The following RBFOX1 variants were observed in gnomAD, a reference collection of about 807,000 sequenced individuals.
RBFOX1 encodes RNA binding fox-1 homolog 1.
In RBFOX1, 8 loss-of-function variants were observed where a neutral mutation model predicts 57.7. The observed-to-expected ratio is 0.14, with a 90% CI of 0.08 to 0.25. The LOEUF (loss-of-function observed/expected upper bound fraction) is 0.25. RBFOX1 is among the 10% of genes least tolerant of loss of function. The pLI is 1.00. For synonymous variants in RBFOX1, 326 were observed against 222.4 expected (o/e 1.47, Z -4.15); for missense variants, 611 against 548.5 (o/e 1.11, Z -1.14).
chr16:5,646,992 T>C (rs2049075562), intron 3 of RBFOX1, among the ~76,000 whole-genome samples: 1 of 152,096 alleles, frequency 6.6e-6, no homozygotes, highest in Non-Finnish European at 1.5e-5. Flanking sequence ...AGCCGGCGGC[T>C]GCGATGGAGG....
chr16:6,713,050 G>T (rs2154153444), intron 3 of RBFOX1, among the ~76,000 whole-genome samples: 1 of 151,936 alleles, frequency 6.6e-6, no homozygotes, highest in East Asian at 1.9e-4. Flanking sequence ...ATGATTGTGA[G>T]GCCTCCCCAG....
chr16:5,792,703 C>T (rs928710560), intron 3 of RBFOX1, among the ~76,000 whole-genome samples: 1 of 152,094 alleles, frequency 6.6e-6, no homozygotes, highest in Non-Finnish European at 1.5e-5. Flanking sequence ...ACTAGCCGGG[C>T]ATGGTGGCAT....
chr16:5,385,027 C>T (rs545035737), intron 1 of RBFOX1, among the ~76,000 whole-genome samples: 2 of 152,112 alleles, frequency 1.3e-5, no homozygotes, highest in Non-Finnish European at 2.9e-5. Flanking sequence ...TTTCATAGGT[C>T]GTAATGGGTG....
chr16:7,312,132 C>G (rs1280986841), intron 4 of RBFOX1, among the ~76,000 whole-genome samples: 1 of 152,200 alleles, frequency 6.6e-6, no homozygotes, highest in African/African-American at 2.4e-5. Flanking sequence ...GTAATCCCAG[C>G]ACTTTAGGAG....
At chr16:7,572,657 G>T (rs2092908035) in intron 5 of RBFOX1, among the ~76,000 whole-genome samples, 1 of 152,080 alleles carries the variant, frequency 6.6e-6, no homozygotes, top group South Asian at 2.1e-4. Flanking sequence ...GGCTAACGCG[G>T]TGAAACCCTG....
At chr16:6,700,309 A>G (rs2061634957) in intron 3 of RBFOX1, among the ~76,000 whole-genome samples, 1 of 152,008 alleles carries the variant, frequency 6.6e-6, no homozygotes, top group Non-Finnish European at 1.5e-5. Flanking sequence ...ACAGTATAAC[A>G]TGCTTACATA....
At chr16:7,343,719 G>T (rs773883580) in intron 4 of RBFOX1, among the ~76,000 whole-genome samples, 1 of 152,142 alleles carries the variant, frequency 6.6e-6, no homozygotes, top group Non-Finnish European at 1.5e-5. Context: ...ATGGAGTAGG[G>T]TGTGAGCTCT....
chr16:5,608,575 C>G (rs555622349), intron 3 of RBFOX1, among the ~76,000 whole-genome samples: 3 of 152,184 alleles, frequency 2.0e-5, no homozygotes, highest in African/African-American at 7.2e-5. Flanking sequence ...TATGAGGATT[C>G]AACGAGTTAA....
chr16:6,869,845 A>T (rs78125352), intron 3 of RBFOX1, among the ~76,000 whole-genome samples: 1 of 152,170 alleles, frequency 6.6e-6, no homozygotes, highest in Non-Finnish European at 1.5e-5. Context: ...CTTCACGGGA[A>T]TCAGGAATGA....
intron 4 of RBFOX1, among the ~76,000 whole-genome samples, chr16:6,001,161 A>G (rs1417255399): frequency 6.6e-6 from 1 of 152,228 alleles, no homozygotes; most frequent in Non-Finnish European, 1.5e-5. Flanking sequence ...GCTAGAGGCA[A>G]CAATATTTGA....
intron 1 of RBFOX1, among the ~76,000 whole-genome samples, chr16:5,384,473 G>A (rs2066207261): frequency 6.6e-6 from 1 of 152,192 alleles, no homozygotes; most frequent in Non-Finnish European, 1.5e-5. Context: ...CAAGTTTTAA[G>A]TTGGGTTTTG....
At chr16:6,681,645 C>T (rs1291349443) in intron 3 of RBFOX1, among the ~76,000 whole-genome samples, 3 of 147,272 alleles carry the variant, frequency 2.0e-5, no homozygotes, top group South Asian at 2.2e-4. Flanking sequence ...TCACAATTGC[C>T]CCCCTCCACA....
intron 3 of RBFOX1, among the ~76,000 whole-genome samples, chr16:6,802,101 C>A (rs540527006): frequency 9.5e-4 from 144 of 152,078 alleles, no homozygotes; most frequent in African/African-American, 3.2e-3. Context: ...CTAAACAAGT[C>A]CTGTTAAGAA....
At chr16:5,534,468 G>A (rs373887545) in intron 2 of RBFOX1, among the ~76,000 whole-genome samples, 4 of 152,162 alleles carry the variant, frequency 2.6e-5, no homozygotes, top group African/African-American at 4.8e-5. Flanking sequence ...TGGAAGGTGC[G>A]AGAGACCCCA....
chr16:7,325,776 T>C (rs910453667), intron 4 of RBFOX1, among the ~76,000 whole-genome samples: 1 of 152,216 alleles, frequency 6.6e-6, no homozygotes, highest in African/African-American at 2.4e-5. Context: ...GACAACCCTT[T>C]TGTAGCCATC....
chr16:6,138,021 C>G (rs1013960398), intron 1 of RBFOX1, among the ~76,000 whole-genome samples: 7 of 152,212 alleles, frequency 4.6e-5, no homozygotes, highest in African/African-American at 1.7e-4. Context: ...AGGACTGGAG[C>G]AACGCTTCAA....
intron 14 of RBFOX1, among the ~76,000 whole-genome samples, chr16:7,683,702 G>T (rs758606946): frequency 7.2e-5 from 11 of 152,032 alleles, no homozygotes; most frequent in Non-Finnish European, 1.2e-4. Flanking sequence ...AGGAAATAAA[G>T]CCTGTCTTTT....
rs561815386 is a variant in RBFOX1 at position 6,826,872 on chromosome 16, C to T, written c.-16+172222C>T. On this transcript the variant is annotated intron_variant, in intron 3 of 15. Coordinates refer to ENST00000550418, the MANE Select transcript of RBFOX1 (RefSeq NM_018723.4). ...CCTCAAACGCAGTTGGATGTGTTTC[C>T]GTATGATGAATAAGAAATTTTCCGA... Among the ~76,000 whole-genome samples the T allele has an allele frequency of 1.2e-3, 182 of 152,058 alleles. 1 individual carries two copies. Among genetic ancestry groups the T allele is most frequent in the Non-Finnish European group, 1.7e-3 (118 of 68,006 alleles).
At chr16:5,424,923 C>T (rs867738305) in intron 1 of RBFOX1, among the ~76,000 whole-genome samples, 6 of 89,590 alleles carry the variant, frequency 6.7e-5, no homozygotes, top group Non-Finnish European at 9.2e-5. Flanking sequence ...TTCTTTCTTT[C>T]TTTCTTTCTT....
Sources: allele counts gnomAD v4.1 joint callset (sites outside exome capture counted in the v4.1 genomes callset), GRCh38; gene constraint gnomAD v4.1.1; transcripts MANE v1.5; gene names NCBI Gene and HGNC (gene_info 2026-07-23, HGNC 2026-07-21).